Variants in ROCK1 observed in about 807,000 individuals in gnomAD.
ROCK1 encodes Rho associated coiled-coil containing protein kinase 1.
A neutral mutation model predicts 196.8 loss-of-function variants in ROCK1; 36 were observed. The ratio of observed to expected loss-of-function variants is 0.18; its 90% confidence interval spans 0.14 to 0.24. ROCK1 has a LOEUF of 0.24. Among genes scored for constraint, ROCK1 ranks in the 10% least tolerant of loss-of-function variants. The pLI, the probability that ROCK1 is intolerant of heterozygous loss-of-function variation, is 1.00. For synonymous variants in ROCK1, 443 were observed against 515.9 expected (o/e 0.86, Z 1.91); for missense variants, 920 against 1,562.0 (o/e 0.59, Z 6.93).
At chr18:21,022,059 G>C (rs1404963785) in intron 11 of ROCK1, among the ~76,000 whole-genome samples, 1 of 150,550 alleles carries the variant, frequency 6.6e-6, no homozygotes, top group Admixed American at 6.6e-5. Flanking sequence ...ATATATCAAG[G>C]AGAAAGAAAA....
Position 20,968,772 on chromosome 18 carries a change from C to A in ROCK1, c.3003G>T (p.Gln1001His). 1 of 1,563,748 alleles carries A rather than the reference C, an allele frequency of 6.4e-7. No homozygotes were observed. Among genetic ancestry groups the A allele is most frequent in the Non-Finnish European group, 8.8e-7 (1 of 1,135,026 alleles). Residue 1001 changes from glutamine to histidine, a missense_variant and splice_region_variant, in exon 25 of 33, where the codon CAG becomes CAT. By Grantham distance (24) the Gln-to-His change is conservative. Transcript: ENST00000399799. ...TGGAAAAGATCGAAAGCATGTATAC[C>A]TGTGTTTTAAGGGTTCGTTCAGTGT... ...NINTERTLKTQAVNKLAEIMN... is the reference protein window; with the variant it reads ...NINTERTLKTHAVNKLAEIMN...
chr18:21,006,850 A>G, intron 14 of ROCK1, 60 bp from the exon 15 acceptor site: 2 of 1,194,912 alleles, frequency 1.7e-6, no homozygotes, highest in Non-Finnish European at 2.4e-6. Flanking sequence ...AAACATATAA[A>G]TCCTTTTTTA....
chr18:21,061,914 G>GA (rs1402580561), intron 2 of ROCK1, among the ~76,000 whole-genome samples: 1 of 152,090 alleles, frequency 6.6e-6, no homozygotes, highest in Non-Finnish European at 1.5e-5. Flanking sequence ...CATCATCAGA[G>GA]AAAAAAAGTT....
At chr18:21,052,974 G>C (rs2036216400) in intron 2 of ROCK1, among the ~76,000 whole-genome samples, 1 of 152,230 alleles carries the variant, frequency 6.6e-6, no homozygotes, top group Non-Finnish European at 1.5e-5. Context: ...TCCCAAGTCT[G>C]TAAGGGGAGA....
At chr18:21,026,697 T>C (rs1482196372) in intron 10 of ROCK1, among the ~76,000 whole-genome samples, 2 of 152,072 alleles carry the variant, frequency 1.3e-5, no homozygotes, top group Non-Finnish European at 2.9e-5. Context: ...TTAACTTGAA[T>C]GGCTCTTACA....
chr18:20,984,030 C>T (rs34530098), intron 20 of ROCK1, among the ~76,000 whole-genome samples: 7,901 of 152,162 alleles, frequency 0.052, 258 homozygotes, highest in Non-Finnish European at 0.074. Context: ...CAAAACAAAA[C>T]GAACAAAGTG....
chr18:21,049,098 A>C lies in ROCK1; in HGVS notation c.408T>G (p.Val136=). The part of the protein sequence containing the change: ...DIMAFANSPW[V]VQLFYAFQDD... ...AAGAGTAGCAAAGTCATACCTGAACAACCCAAGGACTGTTGGCAAAAGCCA... is the reference window on the plus strand; with the variant it reads ...AAGAGTAGCAAAGTCATACCTGAACCACCCAAGGACTGTTGGCAAAAGCCA... The change falls in exon 4 of 33, where the codon GTT becomes GTG. Residue 136 remains valine, a synonymous_variant. Coordinates refer to ENST00000399799, the MANE Select transcript of ROCK1 (RefSeq NM_005406.3). 1 of 1,595,866 alleles carries C rather than the reference A, an allele frequency of 6.3e-7. No individual in the cohort carries two copies. Among genetic ancestry groups the C allele is most frequent in the Admixed American group, 1.7e-5 (1 of 57,952 alleles).
At chr18:21,104,558 C>A (rs1403621354) in intron 1 of ROCK1, among the ~76,000 whole-genome samples, 3 of 152,136 alleles carry the variant, frequency 2.0e-5, no homozygotes, top group Non-Finnish European at 2.9e-5. Flanking sequence ...GATAGCGCCA[C>A]GGCACTTCGG....
At chr18:21,038,348 G>A (rs973441747) in intron 9 of ROCK1, among the ~76,000 whole-genome samples, 1 of 151,998 alleles carries the variant, frequency 6.6e-6, no homozygotes, top group Non-Finnish European at 1.5e-5. Flanking sequence ...TCAGACAGCT[G>A]GTCATTCAAT....
chr18:21,075,878 G>A (rs528568363), intron 1 of ROCK1, among the ~76,000 whole-genome samples: 224 of 151,292 alleles, frequency 1.5e-3, no homozygotes, highest in African/African-American at 5.2e-3. Context: ...GCTTGAACCC[G>A]GGAGGCGGAG....
chr18:21,082,350 C>T (rs1254400357), intron 1 of ROCK1, among the ~76,000 whole-genome samples: 1 of 151,980 alleles, frequency 6.6e-6, no homozygotes, highest in Non-Finnish European at 1.5e-5. Flanking sequence ...GCAGCACTGC[C>T]CTGATAGCAA....
intron 2 of ROCK1, among the ~76,000 whole-genome samples, chr18:21,053,250 C>T (rs1351867505): frequency 1.3e-5 from 2 of 152,014 alleles, no homozygotes; most frequent in East Asian, 3.9e-4. Flanking sequence ...GAATAAACCA[C>T]TCATACACTT....
At chr18:20,994,769 A>G (rs2035656382) in intron 16 of ROCK1, among the ~76,000 whole-genome samples, 1 of 152,146 alleles carries the variant, frequency 6.6e-6, no homozygotes, top group East Asian at 1.9e-4. Context: ...TTCCTCATTT[A>G]CTCTGTCTGA....
At chr18:21,104,962 G>A (rs2036691466) in intron 1 of ROCK1, among the ~76,000 whole-genome samples, 2 of 152,094 alleles carry the variant, frequency 1.3e-5, no homozygotes, top group African/African-American at 4.8e-5. Context: ...ATTTATGAGC[G>A]GCTTGAGGTG....
chr18:21,039,339 A>G, intron 9 of ROCK1, 133 bp downstream of exon 9: 1 of 654,110 alleles, frequency 1.5e-6, no homozygotes, highest in Non-Finnish European at 2.6e-6. Context: ...ATAGGTTAGG[A>G]CAATTCCCAT....
chr18:21,005,694 T>C (rs2035762536), intron 16 of ROCK1, among the ~76,000 whole-genome samples: 3 of 152,058 alleles, frequency 2.0e-5, no homozygotes, highest in Admixed American at 2.0e-4. Context: ...CTGGGCAAAA[T>C]GGTGAAACCC....
At chr18:21,098,786 A>G (rs1197932325) in intron 1 of ROCK1, among the ~76,000 whole-genome samples, 1 of 152,184 alleles carries the variant, frequency 6.6e-6, no homozygotes, top group African/African-American at 2.4e-5. Flanking sequence ...TAGCCCTTAA[A>G]ATATGAAAAG....
At chr18:21,100,240 T>A (rs1384772067) in intron 1 of ROCK1, among the ~76,000 whole-genome samples, 1 of 149,440 alleles carries the variant, frequency 6.7e-6, no homozygotes, top group Non-Finnish European at 1.5e-5. Flanking sequence ...AAAAATAAAA[T>A]ATCATAGCTC....
intron 1 of ROCK1, among the ~76,000 whole-genome samples, chr18:21,091,366 A>G (rs2036568504): frequency 6.6e-6 from 1 of 152,194 alleles, no homozygotes; most frequent in African/African-American, 2.4e-5. Context: ...GCACTCTGGG[A>G]GGCCGAGGTG....
Sources: gnomAD v4.1 joint callset for allele counts (sites outside exome capture counted in the v4.1 genomes callset) on GRCh38, gnomAD v4.1.1 for gene constraint, MANE v1.5 for transcripts, NCBI Gene and HGNC (gene_info 2026-07-23, HGNC 2026-07-21) for gene names.